The following LRTM3 variants were observed in gnomAD, a reference collection of about 807,000 sequenced individuals.
LRTM3 encodes the protein leucine-rich repeat transmembrane protein 3.
At chr13:102,736,851 A>T in the LRTM3 span, 1 of 1,551,120 alleles carries the variant, frequency 6.4e-7, no homozygotes, top group African/African-American at 1.4e-5. Flanking sequence ...TCATTCAAAT[A>T]TGACAATGTA....
chr13:102,747,041 T>C, the LRTM3 span: 1 of 1,551,260 alleles, frequency 6.4e-7, no homozygotes, highest in Middle Eastern at 1.7e-4. Context: ...AAGTCCAAGG[T>C]TGCAGCTATC....
At chr13:102,749,012 A>T in the LRTM3 span, 2 of 1,550,576 alleles carry the variant, frequency 1.3e-6, no homozygotes, top group African/African-American at 2.7e-5. Flanking sequence ...GACTTTCACT[A>T]GTTGTTTTCT....
the LRTM3 span, chr13:102,747,599 T>A: frequency 6.4e-7 from 1 of 1,551,194 alleles, no homozygotes; most frequent in Non-Finnish European, 8.7e-7. Flanking sequence ...ATCCGTTGTC[T>A]TTTGGAGGTT....
At chr13:102,729,682 G>A in the LRTM3 span, 3 of 1,551,754 alleles carry the variant, frequency 1.9e-6, no homozygotes, top group East Asian at 4.9e-5. Flanking sequence ...TTTCAGAATA[G>A]AAGTTGATAT....
At chr13:102,743,529 G>T in the LRTM3 span, 1 of 1,548,412 alleles carries the variant, frequency 6.5e-7, no homozygotes, top group South Asian at 1.2e-5. Context: ...AAACATTTGG[G>T]ATTCAATATA....
the LRTM3 span, chr13:102,733,061 C>G: frequency 6.4e-7 from 1 of 1,551,358 alleles, no homozygotes; most frequent in African/African-American, 1.4e-5. Flanking sequence ...CATCTGTAGG[C>G]TGAGGTGCGC....
At chr13:102,738,644 T>C in the LRTM3 span, 2 of 1,550,438 alleles carry the variant, frequency 1.3e-6, no homozygotes, top group Non-Finnish European at 1.7e-6. Context: ...AATACACTTT[T>C]CATATGCTGT....
At chr13:102,732,984 G>T in the LRTM3 span, 2 of 1,551,436 alleles carry the variant, frequency 1.3e-6, no homozygotes, top group East Asian at 4.9e-5. Flanking sequence ...TCTGAAATGA[G>T]CAATGCCTGC....
chr13:102,744,506 G>A, the LRTM3 span: 2 of 1,550,520 alleles, frequency 1.3e-6, no homozygotes, highest in Non-Finnish European at 8.7e-7. Context: ...TTGCATATGA[G>A]GACTTTGTTT....
chr13:102,733,124 T>C, the LRTM3 span: 1 of 1,551,504 alleles, frequency 6.4e-7, no homozygotes, highest in Non-Finnish European at 8.7e-7. Flanking sequence ...CTTTCCACTT[T>C]GAAGGGGAAA....
chr13:102,746,953 C>T, the LRTM3 span: 4 of 1,550,968 alleles, frequency 2.6e-6, no homozygotes, highest in African/African-American at 2.7e-5. Flanking sequence ...AAACAACAGA[C>T]TCAATAATAG....
the LRTM3 span, chr13:102,739,002 C>G: frequency 6.5e-7 from 1 of 1,550,242 alleles, no homozygotes; most frequent in Non-Finnish European, 8.7e-7. Context: ...ATTGGCTGCT[C>G]ACATTTTTCC....
chr13:102,735,742 G>T, the LRTM3 span: 1 of 1,546,286 alleles, frequency 6.5e-7, no homozygotes, highest in Non-Finnish European at 8.7e-7. Flanking sequence ...ATGCTTTTTT[G>T]CCTGAATCTG....
chr13:102,746,088 C>T, the LRTM3 span: 39 of 1,550,956 alleles, frequency 2.5e-5, no homozygotes, highest in Non-Finnish European at 3.2e-5. Context: ...TGTAGTTCTT[C>T]AGCTTCTAAA....
chr13:102,737,336 T>A, the LRTM3 span: 2 of 1,550,980 alleles, frequency 1.3e-6, no homozygotes, highest in Non-Finnish European at 1.7e-6. Flanking sequence ...TCCTTGTAAG[T>A]CTTCCTCTCC....
chr13:102,748,870 A>G, the LRTM3 span: 1 of 1,550,266 alleles, frequency 6.5e-7, no homozygotes, highest in African/African-American at 1.4e-5. Context: ...TTTCTTTGTC[A>G]TACTCCTTTT....
the LRTM3 span, chr13:102,748,377 C>T: frequency 6.4e-7 from 1 of 1,550,740 alleles, no homozygotes; most frequent in East Asian, 2.4e-5. Context: ...ATTTTGCTTC[C>T]TGGGGAAATG....
chr13:102,744,563 G>A, the LRTM3 span: 1 of 1,550,468 alleles, frequency 6.4e-7, no homozygotes, highest in Admixed American at 2.0e-5. Context: ...TCTAAAGTGT[G>A]TTTCTTGCTT....
chr13:102,731,018 A>G, the LRTM3 span: 1 of 1,551,456 alleles, frequency 6.4e-7, no homozygotes, highest in Non-Finnish European at 8.7e-7. Context: ...TTTCATTTGT[A>G]TCTCCAATGT....
Sources: gnomAD v4.1 joint callset for allele counts on GRCh38, gnomAD v4.1.1 for gene constraint, MANE v1.5 for transcripts, NCBI Gene and HGNC (gene_info 2026-07-23, HGNC 2026-07-21) for gene names.